Variants in ST6GALNAC3 observed in about 807,000 individuals in gnomAD.
ST6GALNAC3 encodes alpha-N-acetylgalactosaminide alpha-2,6-sialyltransferase 3.
ST6GALNAC3 carries 25 observed loss-of-function variants against 32.7 expected under a neutral mutation model. The ratio of observed to expected loss-of-function variants is 0.76; its 90% CI spans 0.56 to 1.07. The LOEUF is 1.07. Among genes scored for constraint, ST6GALNAC3 ranks in the 50% least tolerant of loss-of-function variants. ST6GALNAC3 has a pLI of 0.00. For missense variants in ST6GALNAC3, 355 were observed against 382.4 expected (o/e 0.93, Z 0.60); for synonymous variants, 129 against 133.1 (o/e 0.97, Z 0.21).
At chr1:76,241,163 C>T (rs1656939335) in intron 1 of ST6GALNAC3, among the ~76,000 whole-genome samples, 2 of 152,166 alleles carry the variant, frequency 1.3e-5, no homozygotes, top group African/African-American at 4.8e-5. Context: ...GCTTCACTGT[C>T]CAAAATAGTA....
At chr1:76,615,257 G>A (rs909160197) in intron 3 of ST6GALNAC3, among the ~76,000 whole-genome samples, 4 of 152,008 alleles carry the variant, frequency 2.6e-5, no homozygotes, top group African/African-American at 9.7e-5. Context: ...TTCACAAAAT[G>A]CCATGCCTCA....
At chr1:76,079,682 A>G (rs188670980) in intron 1 of ST6GALNAC3, among the ~76,000 whole-genome samples, 18 of 152,332 alleles carry the variant, frequency 1.2e-4, no homozygotes, top group African/African-American at 3.8e-4. Flanking sequence ...TAGATGAATG[A>G]TGATACCAAG....
chr1:76,226,312 G>A (rs1656066148), intron 1 of ST6GALNAC3, among the ~76,000 whole-genome samples: 1 of 152,206 alleles, frequency 6.6e-6, no homozygotes, highest in Non-Finnish European at 1.5e-5. Context: ...CCAATCCAGG[G>A]AGGGGATGCC....
At chr1:76,384,815 G>A (rs1651969856) in intron 2 of ST6GALNAC3, among the ~76,000 whole-genome samples, 1 of 151,962 alleles carries the variant, frequency 6.6e-6, no homozygotes, top group Non-Finnish European at 1.5e-5. Flanking sequence ...TGGCATGAAA[G>A]GAAGTATACA....
At chr1:76,494,076 TCTTATTACAAC>T (rs1660657582) in intron 3 of ST6GALNAC3, among the ~76,000 whole-genome samples, 1 of 152,056 alleles carries the variant, frequency 6.6e-6, no homozygotes, top group African/African-American at 2.4e-5. Context: ...TGTCTTGATG[TCTTATTACAAC>T]CTTTACCCAA....
At chr1:76,302,002 AT>A (rs2100850992) in intron 1 of ST6GALNAC3, among the ~76,000 whole-genome samples, 1 of 152,122 alleles carries the variant, frequency 6.6e-6, no homozygotes, top group Non-Finnish European at 1.5e-5. Flanking sequence ...AGGGATAATC[AT>A]TTAAAATAGT....
At chr1:76,500,194 T>C (rs558817910) in intron 3 of ST6GALNAC3, among the ~76,000 whole-genome samples, 43 of 152,302 alleles carry the variant, frequency 2.8e-4, no homozygotes, top group African/African-American at 1.0e-3. Flanking sequence ...TATTTCTACT[T>C]TTTGCATTTC....
At chr1:76,341,615 T>C (rs565040937) in intron 2 of ST6GALNAC3, among the ~76,000 whole-genome samples, 5 of 107,934 alleles carry the variant, frequency 4.6e-5, no homozygotes, top group African/African-American at 2.0e-4. Flanking sequence ...TTTTCTTTCT[T>C]TCTTTCTTTC....
chr1:76,561,456 G>T (rs1665237038), intron 3 of ST6GALNAC3, among the ~76,000 whole-genome samples: 1 of 152,028 alleles, frequency 6.6e-6, no homozygotes, highest in African/African-American at 2.4e-5. Context: ...TTAAAAATTT[G>T]TCTAATGATT....
At chr1:76,280,359 C>T (rs1443040644) in intron 1 of ST6GALNAC3, among the ~76,000 whole-genome samples, 1 of 152,208 alleles carries the variant, frequency 6.6e-6, no homozygotes, top group Non-Finnish European at 1.5e-5. Context: ...TCTCCAATGT[C>T]TCTCTTTTCT....
chr1:76,277,450 T>A (rs1659193792), intron 1 of ST6GALNAC3, among the ~76,000 whole-genome samples: 3 of 151,108 alleles, frequency 2.0e-5, no homozygotes, highest in African/African-American at 7.3e-5. Context: ...AATTAATTTC[T>A]ATATTCAAAA....
At chr1:76,277,168 A>G (rs537325654) in intron 1 of ST6GALNAC3, among the ~76,000 whole-genome samples, 1 of 152,308 alleles carries the variant, frequency 6.6e-6, no homozygotes, top group East Asian at 1.9e-4. Context: ...TCAAATTATC[A>G]AACTATTCCT....
chr1:76,246,049 T>C (rs1267207512), intron 1 of ST6GALNAC3, among the ~76,000 whole-genome samples: 1 of 152,230 alleles, frequency 6.6e-6, no homozygotes, highest in Non-Finnish European at 1.5e-5. Context: ...TCTAAGTGTC[T>C]TTGTAAGTCT....
At chr1:76,537,076 A>G (rs1402046390) in intron 3 of ST6GALNAC3, among the ~76,000 whole-genome samples, 2 of 152,182 alleles carry the variant, frequency 1.3e-5, no homozygotes, top group African/African-American at 4.8e-5. Context: ...AAAATCAACC[A>G]CATAATTGGA....
At chr1:76,563,858 A>G (rs1371583948) in intron 3 of ST6GALNAC3, among the ~76,000 whole-genome samples, 1 of 152,190 alleles carries the variant, frequency 6.6e-6, no homozygotes, top group Non-Finnish European at 1.5e-5. Context: ...CTGCCCCTCT[A>G]AAGCTACTTT....
In ST6GALNAC3 at chr1:76,449,271, C is replaced by T. The variant is rs1657212494; in HGVS notation, c.623+36854C>T. 2.0e-5 allele frequency among the ~76,000 whole-genome samples: 3 copies of T among 152,136 alleles called. No homozygotes were observed. The South Asian group carries it at 6.2e-4, about 32-fold the overall frequency. On this transcript the variant is annotated intron_variant, in intron 3 of 4. Transcript: ENST00000328299. ...TGATTTATTGCTCATTTCTTTTTAT[C>T]ACTGAGCAGTATTCTATTTTCTGAA...
At chr1:76,440,246 A>G (rs1031341834) in intron 3 of ST6GALNAC3, among the ~76,000 whole-genome samples, 10 of 152,226 alleles carry the variant, frequency 6.6e-5, no homozygotes, top group Non-Finnish European at 1.5e-4. Context: ...GAGTGGAGAG[A>G]TGTCCTGGAA....
rs1362459858 is a variant in ST6GALNAC3 at position 76,632,283 on chromosome 1, G to A, written c.*3477G>A. The A allele has an allele frequency of 2.0e-5, 3 of 152,078 alleles. No homozygotes were observed. The East Asian group carries it at 5.8e-4, about 29-fold the overall frequency. 9.4% of individuals were successfully genotyped at this position (152,078 alleles called of 1,614,324 possible). A position where few individuals can be genotyped will look rare whatever the true frequency, so the allele number is the denominator to read the frequency against. ...AATCATATTCAAAAGCTGGCCAGAA[G>A]AATAAAGCTAGAGAAGCTGCTAAAT... On this transcript the variant is annotated 3_prime_UTR_variant, in exon 5 of 5. Coordinates refer to ENST00000328299, the MANE Select transcript of ST6GALNAC3 (RefSeq NM_152996.4).
chr1:76,094,886 G>A (rs1232475889), intron 1 of ST6GALNAC3, among the ~76,000 whole-genome samples: 3 of 108,814 alleles, frequency 2.8e-5, no homozygotes, highest in African/African-American at 1.1e-4. Context: ...ACCCCCCACC[G>A]TTCCTTACTC....
Sources: allele counts gnomAD v4.1 joint callset (sites outside exome capture counted in the v4.1 genomes callset), GRCh38; gene constraint gnomAD v4.1.1; transcripts MANE v1.5; gene names NCBI Gene and HGNC (gene_info 2026-07-23, HGNC 2026-07-21).